Variants in DRC10 observed in about 807,000 individuals in gnomAD.
DRC10 encodes IQ domain-containing protein D.
chr12:113,206,738 C>T, the DRC10 span, among the ~76,000 whole-genome samples: 2 of 150,264 alleles, frequency 1.3e-5, no homozygotes, highest in African/African-American at 4.9e-5. Flanking sequence ...CTGGGTGACA[C>T]AGCAAGACTC....
chr12:113,210,239 G>A, the DRC10 span, among the ~76,000 whole-genome samples: 1 of 152,138 alleles, frequency 6.6e-6, no homozygotes, highest in Non-Finnish European at 1.5e-5. Flanking sequence ...AAAAGTACTA[G>A]CTTTGCACAG....
At chr12:113,202,168 A>G in the DRC10 span, among the ~76,000 whole-genome samples, 2 of 152,304 alleles carry the variant, frequency 1.3e-5, no homozygotes, top group African/African-American at 4.8e-5. Context: ...CAACAAGTAT[A>G]CATCATGCCC....
At chr12:113,219,416 CAT>C in the DRC10 span, among the ~76,000 whole-genome samples, 3 of 152,188 alleles carry the variant, frequency 2.0e-5, no homozygotes, top group Non-Finnish European at 2.9e-5. Context: ...CTACCGGCAA[CAT>C]ATGAAAGCTA....
At chr12:113,200,573 G>T in the DRC10 span, 1 of 1,312,918 alleles carries the variant, frequency 7.6e-7, no homozygotes, top group Admixed American at 2.2e-5. Context: ...GCTGCTTCCC[G>T]GGGCACCTTC....
chr12:113,197,419 T>G, the DRC10 span: 1 of 681,826 alleles, frequency 1.5e-6, no homozygotes, highest in Non-Finnish European at 2.6e-6. Flanking sequence ...AAGTGCTCCC[T>G]GCAGAGAGGC....
the DRC10 span, chr12:113,207,947 A>T: frequency 6.2e-7 from 1 of 1,614,172 alleles, no homozygotes; most frequent in South Asian, 1.1e-5. Flanking sequence ...TCTCTGTTGG[A>T]TGCCACATAC....
the DRC10 span, among the ~76,000 whole-genome samples, chr12:113,199,264 C>T: frequency 3.2e-4 from 49 of 152,188 alleles, 1 homozygote; most frequent in East Asian, 9.6e-4. Context: ...ATTAGCCAGA[C>T]GTGGTGACAT....
the DRC10 span, among the ~76,000 whole-genome samples, chr12:113,206,875 C>T: frequency 1.3e-4 from 20 of 152,166 alleles, no homozygotes; most frequent in African/African-American, 2.2e-4. Context: ...ACCTGGGCAA[C>T]GTAGCAAGAG....
the DRC10 span, among the ~76,000 whole-genome samples, chr12:113,210,632 C>A: frequency 1.3e-5 from 2 of 149,076 alleles, no homozygotes; most frequent in African/African-American, 2.5e-5. Context: ...AAAAAAAGAA[C>A]ACCTACTGCC....
the DRC10 span, among the ~76,000 whole-genome samples, chr12:113,199,015 G>T: frequency 1.3e-5 from 2 of 151,594 alleles, no homozygotes; most frequent in Non-Finnish European, 2.9e-5. Context: ...TCGGTTCACC[G>T]CAACCCCCGC....
chr12:113,221,073 C>G, the DRC10 span: 1 of 430,822 alleles, frequency 2.3e-6, no homozygotes, highest in Non-Finnish European at 4.7e-6. Context: ...CCGCCAATCT[C>G]AGAAGGCGAG....
the DRC10 span, among the ~76,000 whole-genome samples, chr12:113,196,709 C>T: frequency 9.2e-5 from 14 of 152,230 alleles, no homozygotes; most frequent in East Asian, 1.9e-4. Context: ...CAGTGCTCTC[C>T]AGTGCTCCCC....
chr12:113,213,879 G>A, the DRC10 span, among the ~76,000 whole-genome samples: 1 of 152,086 alleles, frequency 6.6e-6, no homozygotes, highest in African/African-American at 2.4e-5. Flanking sequence ...GGGAGGTGGA[G>A]GTTGCAGTGA....
chr12:113,210,952 A>G, the DRC10 span, among the ~76,000 whole-genome samples: 18 of 152,204 alleles, frequency 1.2e-4, no homozygotes, highest in African/African-American at 3.9e-4. Context: ...GACTTGAGTG[A>G]AAGAGTTTTG....
At chr12:113,212,702 TA>T in the DRC10 span, among the ~76,000 whole-genome samples, 2 of 152,238 alleles carry the variant, frequency 1.3e-5, no homozygotes, top group African/African-American at 4.8e-5. Flanking sequence ...GTGAACAAGA[TA>T]AAGCCCGTGG....
At chr12:113,207,323 G>A in the DRC10 span, 2 of 887,156 alleles carry the variant, frequency 2.3e-6, no homozygotes, top group South Asian at 2.7e-5. Context: ...ACTCTAGTCT[G>A]GACAACAGAG....
At chr12:113,219,775 C>T in the DRC10 span, among the ~76,000 whole-genome samples, 1,296 of 152,072 alleles carry the variant, frequency 8.5e-3, 27 homozygotes, top group East Asian at 0.057. Context: ...TGCGATCAAG[C>T]AATTCTCCCA....
At chr12:113,212,155 C>T in the DRC10 span, among the ~76,000 whole-genome samples, 1 of 151,338 alleles carries the variant, frequency 6.6e-6, no homozygotes, top group African/African-American at 2.4e-5. Flanking sequence ...ACTGCAACCT[C>T]TGCCTCCCAG....
the DRC10 span, among the ~76,000 whole-genome samples, chr12:113,205,327 G>A: frequency 6.6e-6 from 1 of 150,926 alleles, no homozygotes; most frequent in Non-Finnish European, 1.5e-5. Context: ...AGGGTCAGGA[G>A]TTCAAGACCA....
Sources: gnomAD v4.1 joint callset for allele counts (sites outside exome capture counted in the v4.1 genomes callset) on GRCh38, gnomAD v4.1.1 for gene constraint, MANE v1.5 for transcripts, NCBI Gene and HGNC (gene_info 2026-07-23, HGNC 2026-07-21) for gene names.